The following RBMS3 variants were observed in gnomAD, a reference collection of about 807,000 sequenced individuals.
The protein encoded by RBMS3 is RNA binding motif single stranded interacting protein 3.
RBMS3 carries 27 observed loss-of-function variants against 66.8 expected under a neutral mutation model. The observed-to-expected ratio is 0.40, with a 90% CI of 0.30 to 0.56. The LOEUF (loss-of-function observed/expected upper bound fraction) is 0.56. Ranked by LOEUF, RBMS3 falls within the 20% of genes least tolerant of loss-of-function variation. The pLI, the probability that RBMS3 is intolerant of heterozygous loss-of-function variation, is 0.40. For synonymous variants in RBMS3, 188 were observed against 183.0 expected (o/e 1.03, Z -0.22); for missense variants, 513 against 549.5 (o/e 0.93, Z 0.66).
chr3:29,453,473 G>A (rs983315797), intron 2 of RBMS3, among the ~76,000 whole-genome samples: 1 of 152,158 alleles, frequency 6.6e-6, no homozygotes, highest in Non-Finnish European at 1.5e-5. Flanking sequence ...TTATTGCAGC[G>A]AATCCGAGCA....
At chr3:29,637,225 G>A (rs1576411906) in intron 4 of RBMS3, among the ~76,000 whole-genome samples, 1 of 151,700 alleles carries the variant, frequency 6.6e-6, no homozygotes, top group South Asian at 2.1e-4. Flanking sequence ...TTTCCTGTTG[G>A]TGCCTGTGCA....
intron 11 of RBMS3, among the ~76,000 whole-genome samples, chr3:29,938,147 T>TA (rs1185182256): frequency 4.0e-5 from 6 of 151,856 alleles, no homozygotes; most frequent in East Asian, 1.9e-4. Flanking sequence ...TTTAGGGAAT[T>TA]AAAAAAATAA....
intron 3 of RBMS3, among the ~76,000 whole-genome samples, chr3:29,564,698 A>G (rs1189168308): frequency 1.3e-5 from 2 of 152,048 alleles, no homozygotes; most frequent in Non-Finnish European, 2.9e-5. Context: ...TCTACCTCAA[A>G]CCAGAAGGTT....
At chr3:29,667,290 C>T (rs180922025) in intron 4 of RBMS3, among the ~76,000 whole-genome samples, 1 of 152,250 alleles carries the variant, frequency 6.6e-6, no homozygotes, top group East Asian at 1.9e-4. Flanking sequence ...AGAACCATTA[C>T]TTGGCTTCAT....
intron 3 of RBMS3, among the ~76,000 whole-genome samples, chr3:29,557,584 G>A (rs1312143493): frequency 1.3e-5 from 2 of 152,206 alleles, no homozygotes; most frequent in African/African-American, 4.8e-5. Flanking sequence ...GGCTACAAGA[G>A]CAAACCACTG....
chr3:29,406,772 AT>A (rs1559554306), intron 1 of RBMS3, among the ~76,000 whole-genome samples: 2 of 152,320 alleles, frequency 1.3e-5, no homozygotes, highest in South Asian at 4.1e-4. Context: ...CATTAAACTA[AT>A]TTTTTAGTTT....
chr3:29,926,519 T>C (rs2060942871), intron 10 of RBMS3, among the ~76,000 whole-genome samples: 2 of 152,292 alleles, frequency 1.3e-5, no homozygotes, highest in African/African-American at 4.8e-5. Context: ...TGATCGCCCC[T>C]GTGGTTTGAG....
chr3:29,326,770 C>T (rs745741951), intron 1 of RBMS3, among the ~76,000 whole-genome samples: 3 of 148,606 alleles, frequency 2.0e-5, no homozygotes, highest in East Asian at 2.0e-4. Context: ...CTCGCTGTGT[C>T]GCCAGGCTGG....
At chr3:29,927,011 T>C (rs2060956646) in intron 10 of RBMS3, 1 of 152,198 alleles carries the variant, frequency 6.6e-6, no homozygotes, top group South Asian at 2.1e-4. Context: ...GTACAGAACA[T>C]CTTGCAGCAT....
At chr3:29,439,389 G>A (rs1474688575) in intron 2 of RBMS3, among the ~76,000 whole-genome samples, 1 of 152,130 alleles carries the variant, frequency 6.6e-6, no homozygotes, top group Non-Finnish European at 1.5e-5. Flanking sequence ...GCTGAAAGAA[G>A]AATGCTTTTT....
intron 3 of RBMS3, among the ~76,000 whole-genome samples, chr3:29,524,995 G>A (rs1047548224): frequency 1.6e-4 from 24 of 151,990 alleles, no homozygotes; most frequent in African/African-American, 4.8e-4. Context: ...TCTAGGGTGC[G>A]GTGAGCTATG....
Position 29,663,318 on chromosome 3 carries a change from C to T in RBMS3, c.399+76113C>T, listed in dbSNP as rs148548860. Among the ~76,000 whole-genome samples, 595 of 152,262 alleles carry T rather than the reference C, an allele frequency of 3.9e-3. 2 individuals carry two copies. Among genetic ancestry groups the T allele is most frequent in the Middle Eastern group, 6.8e-3 (2 of 294 alleles). ...CAAATGGTCAATAACCTCTAAAATT[C>T]CTTAGTAGCCTATGTTACTGTCATC... On this transcript the variant is annotated intron_variant, in intron 4 of 14. Transcript: ENST00000383767.
At chr3:29,573,941 A>AT (rs1338974139) in intron 3 of RBMS3, among the ~76,000 whole-genome samples, 1 of 151,940 alleles carries the variant, frequency 6.6e-6, no homozygotes, top group Non-Finnish European at 1.5e-5. Context: ...TATTTTTTCC[A>AT]TTTTTTAAAT....
chr3:29,737,260 C>A (rs2054424469), intron 4 of RBMS3, among the ~76,000 whole-genome samples: 2 of 152,200 alleles, frequency 1.3e-5, no homozygotes, highest in South Asian at 2.1e-4. Flanking sequence ...CAGGCATGAG[C>A]CACTGCGCCC....
At chr3:29,693,655 AC>A (rs2052137529) in intron 4 of RBMS3, among the ~76,000 whole-genome samples, 1 of 152,298 alleles carries the variant, frequency 6.6e-6, no homozygotes, top group East Asian at 1.9e-4. Context: ...AGCTTAACAT[AC>A]TTTATTCATA....
chr3:29,441,824 G>A (rs551710162), intron 2 of RBMS3, among the ~76,000 whole-genome samples: 7 of 152,082 alleles, frequency 4.6e-5, no homozygotes, highest in Non-Finnish European at 7.4e-5. Flanking sequence ...CACACAAATC[G>A]GAAAACATAA....
At chr3:29,309,609 TG>T (rs1022063481) in intron 1 of RBMS3, among the ~76,000 whole-genome samples, 39 of 145,736 alleles carry the variant, frequency 2.7e-4, no homozygotes, top group South Asian at 1.1e-3. Context: ...TATGCAGTGG[TG>T]GGGGGGGCGG....
At chr3:29,425,219 A>AC (rs550002484) in intron 1 of RBMS3, among the ~76,000 whole-genome samples, 19,022 of 147,324 alleles carry the variant, frequency 0.13, 1,093 homozygotes, top group South Asian at 0.18. Context: ...AAAAAAACAA[A>AC]AAAAAAAAAA....
At chr3:29,530,925 G>A (rs2045330480) in intron 3 of RBMS3, among the ~76,000 whole-genome samples, 1 of 151,406 alleles carries the variant, frequency 6.6e-6, no homozygotes, top group Admixed American at 6.6e-5. Flanking sequence ...AAAAGGTTTT[G>A]TATCCATAAA....
Sources: gnomAD v4.1 joint callset for allele counts (sites outside exome capture counted in the v4.1 genomes callset) on GRCh38, gnomAD v4.1.1 for gene constraint, MANE v1.5 for transcripts, NCBI Gene and HGNC (gene_info 2026-07-23, HGNC 2026-07-21) for gene names.